The following MTMR12 variants were observed in gnomAD, a reference collection of about 807,000 sequenced individuals.
MTMR12 encodes myotubularin-related protein 12.
A neutral mutation model predicts 96.7 loss-of-function variants in MTMR12; 33 were observed. That is an observed-to-expected ratio of 0.34 (90% confidence interval 0.26 to 0.46). The LOEUF (loss-of-function observed/expected upper bound fraction) is 0.46. Ranked by LOEUF, MTMR12 falls within the 20% of genes least tolerant of loss-of-function variation. The pLI is 1.00. For missense variants in MTMR12, 721 were observed against 896.1 expected (o/e 0.80, Z 2.49); for synonymous variants, 298 against 327.2 (o/e 0.91, Z 0.96).
At chr5:32,303,977 T>C (rs1284084694) in intron 1 of MTMR12, among the ~76,000 whole-genome samples, 1 of 151,042 alleles carries the variant, frequency 6.6e-6, no homozygotes, top group African/African-American at 2.4e-5. Flanking sequence ...TCAAGCATAA[T>C]ATCTTCACAC....
At chr5:32,277,701 A>AAAAAAAAAAG (rs368469301) in intron 1 of MTMR12, among the ~76,000 whole-genome samples, 3 of 151,856 alleles carry the variant, frequency 2.0e-5, no homozygotes, top group Admixed American at 6.5e-5. Context: ...TGTCTCAAAA[A>AAAAAAAAAAG]AAAAAGAAAA....
At chr5:32,263,899 T>G (rs1414694759) in intron 6 of MTMR12, among the ~76,000 whole-genome samples, 1 of 152,216 alleles carries the variant, frequency 6.6e-6, no homozygotes, top group African/African-American at 2.4e-5. Flanking sequence ...GACAAAATAT[T>G]TTTAGCCCTG....
chr5:32,250,959 G>T (rs755311604), intron 8 of MTMR12, among the ~76,000 whole-genome samples: 3 of 152,000 alleles, frequency 2.0e-5, no homozygotes, highest in Non-Finnish European at 4.4e-5. Context: ...TTCTTAGTAT[G>T]AGTGACTTCA....
intron 6 of MTMR12, among the ~76,000 whole-genome samples, chr5:32,266,458 C>T (rs191218924): frequency 2.0e-5 from 3 of 152,070 alleles, no homozygotes; most frequent in South Asian, 2.1e-4. Flanking sequence ...GAGGCCAAGG[C>T]GGGCAGATCA....
At chr5:32,270,980 T>C (rs1211242033) in intron 4 of MTMR12, 33 bp from the exon 5 acceptor site, 1 of 1,594,056 alleles carries the variant, frequency 6.3e-7, no homozygotes. Context: ...GGAAGGGAAA[T>C]TATGTTACAC....
chr5:32,299,853 GC>G (rs1373818996), intron 1 of MTMR12, among the ~76,000 whole-genome samples: 1 of 152,154 alleles, frequency 6.6e-6, no homozygotes, highest in East Asian at 1.9e-4. Context: ...ACAGCTATGA[GC>G]CTTTCACACC....
At chr5:32,232,170 C>A (rs978545240) in intron 15 of MTMR12, among the ~76,000 whole-genome samples, 7 of 152,204 alleles carry the variant, frequency 4.6e-5, no homozygotes, top group Admixed American at 1.3e-4. Flanking sequence ...GAATGGGTCC[C>A]CCCCACCGTG....
In MTMR12 at chr5:32,311,550, T is replaced by C. The variant is rs551025464; in HGVS notation, c.81+1208A>G. Among the ~76,000 whole-genome samples the C allele has an allele frequency of 5.3e-5, 8 of 152,286 alleles. No homozygotes were observed. The South Asian group carries it at 1.7e-3, about 32-fold the overall frequency. On this transcript the variant is annotated intron_variant, in intron 1 of 15. Transcript: ENST00000382142. ...GAGGTGGGAAGACATCTGCAACAAA[T>C]TTGGCGGTGCTTCTGCACTTCTGCT...
chr5:32,251,228 T>G, intron 8 of MTMR12, among the ~76,000 whole-genome samples: 1 of 152,118 alleles, frequency 6.6e-6, no homozygotes, highest in Non-Finnish European at 1.5e-5. Flanking sequence ...GCTAATTTTT[T>G]GTATTTTTAG....
chr5:32,258,952 C>A (rs1749248832), intron 7 of MTMR12, among the ~76,000 whole-genome samples: 1 of 150,436 alleles, frequency 6.6e-6, no homozygotes, highest in South Asian at 2.1e-4. Flanking sequence ...TGGCAAATAT[C>A]CCATCCATCA....
intron 3 of MTMR12, among the ~76,000 whole-genome samples, chr5:32,273,307 G>A (rs1438263232): frequency 6.6e-6 from 1 of 152,144 alleles, no homozygotes; most frequent in East Asian, 1.9e-4. Context: ...AGGCTGAGGT[G>A]GGAGGATTAC....
chr5:32,268,706 T>A lies in MTMR12; in HGVS notation c.578A>T (p.Asn193Ile), dbSNP rs1214309972. 16 of 1,612,630 alleles carry A rather than the reference T, an allele frequency of 9.9e-6. No individual in the cohort carries two copies. Among genetic ancestry groups the A allele is most frequent in the African/African-American group, 1.3e-5 (1 of 74,912 alleles). Residue 193 changes from asparagine (N) to isoleucine (I), a missense_variant, in exon 6 of 16, where the codon AAT becomes ATT. Transcript: ENST00000382142. ...AGAACCCAGAAGATATTTACCTGTA[T>A]TGTTTTGTGCAGCAGTCGCATAGGA... is the stretch of plus-strand genomic sequence containing the variant. ...LFSYATAAQN[N>I]TVTDPKNHTV...
At position 32,229,652 on chromosome 5, in the gene MTMR12, C is replaced by A; in HGVS notation, c.*126G>T. On this transcript the variant is annotated 3_prime_UTR_variant, in exon 16 of 16. Transcript: ENST00000382142. The stretch of plus-strand genomic sequence containing the variant: ...GAGAGCCACCTCTTTTCCCGAAGGC[C>A]CAGGTTTATTCTAACGGAGTGCCGG... The A allele has an allele frequency of 2.3e-6, 2 of 854,268 alleles. No homozygotes were observed. The highest frequency in any genetic ancestry group is 3.3e-6 in the Non-Finnish European group (2 of 606,216). 52.9% of individuals were successfully genotyped at this position (854,268 alleles called of 1,614,324 possible).
intron 1 of MTMR12, among the ~76,000 whole-genome samples, chr5:32,277,102 G>A (rs976449816): frequency 4.6e-5 from 7 of 151,886 alleles, no homozygotes; most frequent in African/African-American, 1.7e-4. Flanking sequence ...GGTCAGGATA[G>A]TCTTGATCTC....
rs548170819 is a variant in MTMR12, at chr5:32,302,492, G to A, written c.81+10266C>T. Among the ~76,000 whole-genome samples the A allele has an allele frequency of 7.2e-5, 11 of 152,260 alleles. No individual in the cohort carries two copies. In the South Asian group the frequency reaches 2.1e-3, roughly 29 times the overall value. On this transcript the variant is annotated intron_variant, in intron 1 of 15. Coordinates refer to ENST00000382142, the MANE Select transcript of MTMR12 (RefSeq NM_001040446.3). The stretch of plus-strand genomic sequence containing the variant: ...CCAGCACTTTGGGAAGCCGAGGTGG[G>A]TAGATCACAAGGTCAGGAGTTCGAG...
chr5:32,271,798 G>A lies in MTMR12; in HGVS notation c.358+35C>T, dbSNP rs565832438. 34 of 1,337,434 alleles carry A rather than the reference G, an allele frequency of 2.5e-5. 2 individuals are homozygous for A. The South Asian group carries it at 3.4e-4, about 13-fold the overall frequency. 82.8% of individuals were successfully genotyped at this position (1,337,434 alleles called of 1,614,324 possible). On this transcript the variant is annotated intron_variant, in intron 4 of 15. Coordinates refer to ENST00000382142, the MANE Select transcript of MTMR12 (RefSeq NM_001040446.3). ...TATCATTATCACCTATACTCTCAAA[G>A]GTTGCCAACACCCCAGGGAAAAACA...
At chr5:32,231,689 C>T (rs925498356) in intron 15 of MTMR12, among the ~76,000 whole-genome samples, 2 of 152,162 alleles carry the variant, frequency 1.3e-5, no homozygotes, top group African/African-American at 4.8e-5. Flanking sequence ...AAACCATCCA[C>T]AAGACCACAG....
At chr5:32,278,969 G>C (rs774310083) in intron 1 of MTMR12, among the ~76,000 whole-genome samples, 14 of 151,314 alleles carry the variant, frequency 9.3e-5, no homozygotes, top group African/African-American at 3.4e-4. Flanking sequence ...CCAGCTACTC[G>C]GGAGGCTGAG....
Position 32,312,072 on chromosome 5 carries a change from G to A in MTMR12, c.81+686C>T, listed in dbSNP as rs939897692. Among the ~76,000 whole-genome samples the A allele has an allele frequency of 2.0e-5, 3 of 152,186 alleles. No homozygotes were observed. The highest frequency in any genetic ancestry group is 7.2e-5 in the African/African-American group (3 of 41,442). On this transcript the variant is annotated intron_variant, in intron 1 of 15. Transcript: ENST00000382142. This position sits in a 1 kb window ranked among gnomAD's most constrained non-coding sequence, Gnocchi z 5.0. ...ACTTAGTGCCTGACACACAGTAGGA[G>A]CTCGAGAAGTATTTTCTGAATGAAT...
Sources: allele counts gnomAD v4.1 joint callset (sites outside exome capture counted in the v4.1 genomes callset), GRCh38; gene constraint gnomAD v4.1.1; non-coding constraint Gnocchi (gnomAD v3.1); transcripts MANE v1.5; gene names NCBI Gene and HGNC (gene_info 2026-07-23, HGNC 2026-07-21).